Variants in TACC1 observed in about 807,000 individuals in gnomAD.
The protein encoded by TACC1 is transforming acidic coiled-coil-containing protein 1.
In TACC1, 48 loss-of-function variants were observed where a neutral mutation model predicts 84.4. That is an observed-to-expected ratio of 0.57 (90% CI 0.45 to 0.72). The LOEUF (loss-of-function observed/expected upper bound fraction) is 0.72, where lower values mean the gene tolerates loss of function less well. TACC1 is among the 30% of genes least tolerant of loss of function. TACC1 has a pLI of 0.00. For missense variants in TACC1, 920 were observed against 973.0 expected, an observed-to-expected ratio of 0.95 and a Z score of 0.72; for synonymous variants, 372 against 376.3, an observed-to-expected ratio of 0.99 and a Z score of 0.13.
intron 3 of TACC1, among the ~76,000 whole-genome samples, chr8:38,768,188 C>T (rs1812651821): frequency 6.6e-6 from 1 of 152,026 alleles, no homozygotes; most frequent in Non-Finnish European, 1.5e-5. Context: ...TTTTGACACC[C>T]CATTCCTTCT....
At chr8:38,830,138 G>A (rs142891134) in intron 5 of TACC1, among the ~76,000 whole-genome samples, 1 of 152,334 alleles carries the variant, frequency 6.6e-6, no homozygotes, top group Admixed American at 6.5e-5. Context: ...GGTCACATTT[G>A]TGTTTTAAAT....
chr8:38,845,520 C>T (rs1588164580), intron 11 of TACC1, among the ~76,000 whole-genome samples: 1 of 152,170 alleles, frequency 6.6e-6, no homozygotes, highest in East Asian at 1.9e-4. Flanking sequence ...CCCTTAATAG[C>T]ATATCCTGAC....
intron 2 of TACC1, among the ~76,000 whole-genome samples, chr8:38,803,159 A>G (rs1439663496): frequency 1.3e-5 from 2 of 152,258 alleles, no homozygotes; most frequent in Non-Finnish European, 2.9e-5. Context: ...GGTTTCATTT[A>G]TAGTTTTTTG....
upstream of TACC1, among the ~76,000 whole-genome samples, chr8:38,783,106 CTATATATA>C (rs72048692): frequency 0.026 from 2,236 of 87,394 alleles, 36 homozygotes; most frequent in Middle Eastern, 0.045. Context: ...ATCTATCTAT[CTATATATA>C]TATATATATA....
intron 9 of TACC1, 177 bp downstream of exon 9, chr8:38,840,444 TC>T: frequency 1.9e-6 from 1 of 528,176 alleles, no homozygotes; most frequent in Admixed American, 3.5e-5. Context: ...GAGGGCCCAT[TC>T]CTCATAGAAG....
chr8:38,818,186 T>C (rs1310322067), intron 2 of TACC1, among the ~76,000 whole-genome samples: 1 of 152,088 alleles, frequency 6.6e-6, no homozygotes, highest in African/African-American at 2.4e-5. Context: ...CAGTGAGCCA[T>C]GATCAGGCCA....
chr8:38,820,939 C>G (rs1826647573), intron 3 of TACC1, among the ~76,000 whole-genome samples: 1 of 152,062 alleles, frequency 6.6e-6, no homozygotes, highest in Admixed American at 6.6e-5. Flanking sequence ...GTCACGGTGG[C>G]TCACACCTGT....
intron 2 of TACC1, among the ~76,000 whole-genome samples, chr8:38,801,261 A>T (rs1263648918): frequency 2.0e-5 from 3 of 152,172 alleles, no homozygotes; most frequent in Non-Finnish European, 4.4e-5. Context: ...TTTGTCTCTT[A>T]TGCCTTGATG....
intron 9 of TACC1, 90 bp from the exon 10 acceptor site, chr8:38,842,197 T>C: frequency 6.8e-7 from 1 of 1,472,514 alleles, no homozygotes; most frequent in Non-Finnish European, 9.2e-7. Context: ...CATCCCCGGC[T>C]GTGTCCCTAC....
chr8:38,770,419 G>A (rs886852345), intron 3 of TACC1, among the ~76,000 whole-genome samples: 4 of 151,998 alleles, frequency 2.6e-5, no homozygotes, highest in African/African-American at 9.7e-5. Flanking sequence ...CCTCCGCCGC[G>A]CTCTCCCCCT....
intron 2 of TACC1, among the ~76,000 whole-genome samples, chr8:38,796,131 C>A (rs781443292): frequency 1.2e-4 from 18 of 152,176 alleles, no homozygotes; most frequent in Non-Finnish European, 2.4e-4. Context: ...AACAAGTAAT[C>A]TTTGTTTGCA....
At chr8:38,829,202 TA>T (rs1340614003) in intron 5 of TACC1, among the ~76,000 whole-genome samples, 8 of 152,212 alleles carry the variant, frequency 5.3e-5, no homozygotes, top group Admixed American at 2.0e-4. Context: ...TATAGAATTT[TA>T]AAAGTCATGA....
intron 1 of TACC1, among the ~76,000 whole-genome samples, chr8:38,737,548 A>G (rs1023505924): frequency 3.9e-5 from 6 of 152,038 alleles, no homozygotes; most frequent in African/African-American, 9.7e-5. Context: ...CAGGCTCCTT[A>G]TCTCAGCACT....
At chr8:38,738,218 T>C (rs1432306247) in intron 1 of TACC1, among the ~76,000 whole-genome samples, 1 of 151,156 alleles carries the variant, frequency 6.6e-6, no homozygotes, top group African/African-American at 2.4e-5. Flanking sequence ...CTGGGCAATA[T>C]AGTGAGACAC....
At chr8:38,761,192 C>T (rs1192633575) in intron 3 of TACC1, among the ~76,000 whole-genome samples, 2 of 152,012 alleles carry the variant, frequency 1.3e-5, no homozygotes, top group Non-Finnish European at 2.9e-5. Context: ...GTATTTTTGG[C>T]GATGTGGCCA....
chr8:38,814,743 G>C (rs977434897), intron 2 of TACC1, among the ~76,000 whole-genome samples: 2 of 152,084 alleles, frequency 1.3e-5, no homozygotes, highest in East Asian at 3.8e-4. Context: ...CTCATGTCTG[G>C]CCTAGAATCA....
intron 7 of TACC1, among the ~76,000 whole-genome samples, chr8:38,837,119 T>G (rs928515958): frequency 1.7e-4 from 25 of 150,892 alleles, no homozygotes; most frequent in African/African-American, 5.8e-4. Context: ...TTTTTTTTTT[T>G]TTTTTGAGAT....
At chr8:38,731,604 A>C (rs1056113121) in intron 1 of TACC1, among the ~76,000 whole-genome samples, 22 of 152,218 alleles carry the variant, frequency 1.4e-4, no homozygotes, top group Non-Finnish European at 2.8e-4. Flanking sequence ...AATGCACACC[A>C]ACAAATGCAA....
At chr8:38,783,408 C>T (rs115009710), upstream of TACC1, among the ~76,000 whole-genome samples, 1 of 151,608 alleles carries the variant, frequency 6.6e-6, no homozygotes, top group African/African-American at 2.4e-5. Flanking sequence ...CTTCCTGGAA[C>T]TCTGAAAGAG....
Sources: gnomAD v4.1 joint callset for allele counts (sites outside exome capture counted in the v4.1 genomes callset) on GRCh38, gnomAD v4.1.1 for gene constraint, MANE v1.5 for transcripts, NCBI Gene and HGNC (gene_info 2026-07-23, HGNC 2026-07-21) for gene names.